Variants in KLRG1 observed in about 807,000 individuals in gnomAD.
KLRG1 encodes killer cell lectin like receptor G1, also known as killer cell lectin-like receptor subfamily G member 1.
A neutral mutation model predicts 21.8 loss-of-function variants in KLRG1; 16 were observed. The ratio of observed to expected loss-of-function variants is 0.73; its 90% CI spans 0.50 to 1.11. KLRG1 has a LOEUF of 1.11. Ranked by LOEUF, KLRG1 falls within the 50% of genes most tolerant of loss-of-function variation. The pLI, the probability that KLRG1 is intolerant of heterozygous loss-of-function variation, is 0.00. For synonymous variants in KLRG1, 69 were observed against 75.9 expected, an observed-to-expected ratio of 0.91 and a Z score of 0.47; for missense variants, 173 against 218.3, an observed-to-expected ratio of 0.79 and a Z score of 1.31.
the KLRG1 span, among the ~76,000 whole-genome samples, chr12:9,089,000 C>A: frequency 1.3e-5 from 2 of 152,162 alleles, no homozygotes; most frequent in African/African-American, 4.8e-5. Context: ...TGCAAAAGAT[C>A]AAGACTCAGA....
chr12:8,997,395 G>A (rs1231825785), intron 3 of KLRG1, among the ~76,000 whole-genome samples: 11 of 152,116 alleles, frequency 7.2e-5, no homozygotes, highest in Non-Finnish European at 1.2e-4. Context: ...TGTTGTTCTA[G>A]TGTTATTATT....
At chr12:9,197,472 TATA>T in the KLRG1 span, among the ~76,000 whole-genome samples, 6 of 130,470 alleles carry the variant, frequency 4.6e-5, no homozygotes, top group African/African-American at 1.5e-4. Context: ...TAATATAATA[TATA>T]ATAATATAAT....
the KLRG1 span, chr12:9,151,592 C>G: frequency 6.2e-7 from 1 of 1,611,402 alleles, no homozygotes; most frequent in South Asian, 1.1e-5. Flanking sequence ...GCCAGGATGT[C>G]AGAGCCCTCA....
At chr12:9,003,768 A>G (rs1947376802) in intron 3 of KLRG1, among the ~76,000 whole-genome samples, 1 of 151,744 alleles carries the variant, frequency 6.6e-6, no homozygotes, top group South Asian at 2.1e-4. Flanking sequence ...TTAGTTACAT[A>G]TGTATACATG....
At chr12:9,159,966 G>A in the KLRG1 span, 19 of 1,613,472 alleles carry the variant, frequency 1.2e-5, no homozygotes, top group South Asian at 4.4e-5. Context: ...CTGCCATATC[G>A]TTCCCCAAAG....
the KLRG1 span, chr12:9,127,844 A>T: frequency 2.1e-5 from 5 of 238,320 alleles, no homozygotes; most frequent in Admixed American, 2.1e-4. Context: ...GAAGGTGAAG[A>T]TCTGCGACTG....
chr12:9,133,696 C>T, the KLRG1 span, among the ~76,000 whole-genome samples: 3 of 152,166 alleles, frequency 2.0e-5, no homozygotes, highest in African/African-American at 7.2e-5. Context: ...ATGTGCTAAA[C>T]TCCCCAGACA....
chr12:9,091,435 G>T, the KLRG1 span: 1 of 1,614,026 alleles, frequency 6.2e-7, no homozygotes, highest in Non-Finnish European at 8.5e-7. Context: ...CTGAGCTGGA[G>T]AGGAGTGTAA....
At chr12:9,179,665 T>C in the KLRG1 span, among the ~76,000 whole-genome samples, 1 of 152,346 alleles carries the variant, frequency 6.6e-6, no homozygotes, top group South Asian at 2.1e-4. Context: ...GTATTAATTT[T>C]GTAGCAAGCT....
At chr12:9,088,399 C>T in the KLRG1 span, among the ~76,000 whole-genome samples, 26 of 151,872 alleles carry the variant, frequency 1.7e-4, no homozygotes, top group African/African-American at 3.9e-4. Flanking sequence ...AACTCAGAAA[C>T]GGAGAAGTCA....
chr12:9,099,378 C>T, the KLRG1 span: 3 of 1,553,828 alleles, frequency 1.9e-6, no homozygotes, highest in Middle Eastern at 1.7e-4. Context: ...CTAAAACACA[C>T]ACCTTGTTGG....
At chr12:9,039,440 C>A in the KLRG1 span, among the ~76,000 whole-genome samples, 1 of 152,104 alleles carries the variant, frequency 6.6e-6, no homozygotes, top group African/African-American at 2.4e-5. Context: ...TTGTTCTTGA[C>A]ATATGTATAA....
the KLRG1 span, chr12:9,090,328 G>T: frequency 5.7e-4 from 918 of 1,613,502 alleles, no homozygotes; most frequent in Admixed American, 5.0e-4. Flanking sequence ...TTTGAGTAGA[G>T]AATTATCTCT....
the KLRG1 span, chr12:9,109,170 C>T: frequency 1.7e-6 from 1 of 600,660 alleles, no homozygotes. Context: ...AGAAAAGCAA[C>T]AGGAGAATAA....
the KLRG1 span, among the ~76,000 whole-genome samples, chr12:9,053,275 G>C: frequency 5.9e-5 from 9 of 152,076 alleles, no homozygotes; most frequent in African/African-American, 1.9e-4. Context: ...GACCACCTGT[G>C]ACCCTGAACT....
rs1199832409 is a variant in KLRG1 at position 8,999,908 on chromosome 12, T to C, written c.357+4620T>C. The stretch of plus-strand genomic sequence containing the variant: ...AAATTAGCTGGGTGTGGTGGCACGT[T>C]TCTGTAATCCCAGCTACTCAGGAGG... On this transcript the variant is annotated intron_variant, in intron 3 of 4. Transcript: ENST00000356986. 3.3e-5 allele frequency among the ~76,000 whole-genome samples: 5 copies of C among 151,914 alleles called. No homozygotes were observed. In the East Asian group the frequency reaches 9.7e-4, roughly 29 times the overall value.
chr12:9,096,950 C>T, the KLRG1 span, among the ~76,000 whole-genome samples: 2 of 152,150 alleles, frequency 1.3e-5, no homozygotes, highest in Non-Finnish European at 2.9e-5. Flanking sequence ...ATGACCTACA[C>T]TAGTAGCAGC....
chr12:9,131,791 T>C, the KLRG1 span, among the ~76,000 whole-genome samples: 1 of 151,734 alleles, frequency 6.6e-6, no homozygotes. Context: ...TATATACATA[T>C]ATATACACAT....
the KLRG1 span, chr12:9,068,027 G>A: frequency 1.6e-5 from 16 of 982,080 alleles, no homozygotes; most frequent in South Asian, 4.5e-5. Flanking sequence ...CAGAGTCAGC[G>A]GCCCTCTCCA....
Sources: gnomAD v4.1 joint callset for allele counts (sites outside exome capture counted in the v4.1 genomes callset) on GRCh38, gnomAD v4.1.1 for gene constraint, MANE v1.5 for transcripts, NCBI Gene and HGNC (gene_info 2026-07-23, HGNC 2026-07-21) for gene names.